The following ZNF621 variants were observed in gnomAD, a reference collection of about 807,000 sequenced individuals.
The protein encoded by ZNF621 is zinc finger protein 621.
In ZNF621, 6 loss-of-function variants were observed where a neutral mutation model predicts 12.7. The observed-to-expected ratio is 0.47, with a 90% confidence interval of 0.26 to 0.93. The LOEUF (loss-of-function observed/expected upper bound fraction) is 0.93. ZNF621 is among the 40% of genes least tolerant of loss of function. The pLI, the probability that ZNF621 is intolerant of heterozygous loss-of-function variation, is 0.15. For missense variants in ZNF621, 474 were observed against 524.0 expected (o/e 0.90, Z 0.93); for synonymous variants, 156 against 190.3 (o/e 0.82, Z 1.48).
rs1269885066 is a variant in ZNF621 at position 40,532,121 on chromosome 3, TC to T, written c.352del (p.Leu118SerfsTer15). On this transcript the variant is annotated frameshift_variant, in exon 5 of 5. Coordinates refer to ENST00000339296, the MANE Select transcript of ZNF621 (RefSeq NM_198484.5). LOFTEE classifies it low-confidence loss of function (END_TRUNC). ...ELHRMPVGGLLRNVSQHFDFK... is the reference protein window; with the variant it reads ...ELHRMPVGGLXRNVSQHFDFK... ...TGCACAGAATGCCAGTAGGAGGACTTCTCAGGAACGTTTCTCAGCACTTTGA... is the reference window on the plus strand; with the variant it reads ...TGCACAGAATGCCAGTAGGAGGACTTTCAGGAACGTTTCTCAGCACTTTGA... 6 of 1,614,162 alleles carry T rather than the reference TC, an allele frequency of 3.7e-6. No homozygotes were observed. The highest frequency in any genetic ancestry group is 5.1e-6 in the Non-Finnish European group (6 of 1,180,030).
upstream of ZNF621, among the ~76,000 whole-genome samples, chr3:40,524,381 T>C (rs1336046614): frequency 6.6e-6 from 1 of 152,192 alleles, no homozygotes; most frequent in Non-Finnish European, 1.5e-5. Context: ...ATATAGGACA[T>C]GTCCTGTGTA....
In ZNF621 at chr3:40,533,882, C is replaced by A. The variant is rs1439451674; in HGVS notation, c.*792C>A. The A allele has an allele frequency of 6.6e-6, 1 of 152,104 alleles. No individual in the cohort carries two copies. The highest frequency in any genetic ancestry group is 1.5e-5 in the Non-Finnish European group (1 of 67,992). 9.4% of individuals were successfully genotyped at this position (152,104 alleles called of 1,614,324 possible). A position where few individuals can be genotyped will look rare whatever the true frequency, so the allele number is the denominator to read the frequency against. On this transcript the variant is annotated 3_prime_UTR_variant, in exon 5 of 5. Transcript: ENST00000339296. Reference sequence around the variant, plus strand: ...AAGTTATGTTGCCCTTGGCACAGATCTTTGAGAATCTCATACATCTGTGAA... The same window carrying A: ...AAGTTATGTTGCCCTTGGCACAGATATTTGAGAATCTCATACATCTGTGAA...
chr3:40,527,147 A>T (rs1223950746), intron 2 of ZNF621, among the ~76,000 whole-genome samples: 2 of 151,904 alleles, frequency 1.3e-5, no homozygotes, highest in Admixed American at 1.3e-4. Context: ...CCTCCCGAGT[A>T]GATGGAATTA....
chr3:40,527,520 T>C (rs1698614025), intron 2 of ZNF621, among the ~76,000 whole-genome samples: 1 of 152,066 alleles, frequency 6.6e-6, no homozygotes, highest in African/African-American at 2.4e-5. Flanking sequence ...TTAGTAGAGA[T>C]GGGGTTTCAC....
At chr3:40,529,228 C>T in intron 2 of ZNF621, 91 bp from the exon 3 acceptor site, 2 of 1,469,828 alleles carry the variant, frequency 1.4e-6, no homozygotes, top group Non-Finnish European at 1.8e-6. Context: ...GTTGTGGATG[C>T]AGGCAGGTTT....
upstream of ZNF621, among the ~76,000 whole-genome samples, chr3:40,523,715 G>C (rs1413138921): frequency 6.6e-6 from 1 of 151,650 alleles, no homozygotes; most frequent in African/African-American, 2.4e-5. Context: ...GCAGTGAGCC[G>C]AGATTGCGCC....
chr3:40,525,624 A>C (rs1698560380), intron 1 of ZNF621, among the ~76,000 whole-genome samples, 155 bp from the exon 2 acceptor site: 1 of 152,206 alleles, frequency 6.6e-6, no homozygotes, highest in Non-Finnish European at 1.5e-5. Flanking sequence ...ACAATTCATA[A>C]GAAGTTTGGG....
At position 40,532,642 on chromosome 3, in the gene ZNF621, A is replaced by G; in HGVS notation, c.872A>G (p.Tyr291Cys). The G allele has an allele frequency of 6.2e-7, 1 of 1,613,676 alleles. No individual in the cohort carries two copies. The highest frequency in any genetic ancestry group is 8.5e-7 in the Non-Finnish European group (1 of 1,179,900). ...AGAATTCATACTGGGGAGAAACCTT[A>G]TCAATGTAAGGAGTGTGGCAAAGCC... ...HQRIHTGEKP[Y>C]QCKECGKAFT... The change falls in exon 5 of 5, where the codon TAT (tyrosine) becomes TGT (cysteine). Residue 291 changes from tyrosine (Y) to cysteine (C), a missense_variant. Coordinates refer to ENST00000339296, the MANE Select transcript of ZNF621 (RefSeq NM_198484.5).
rs892381712 is a variant in ZNF621, at chr3:40,530,055, G to T, written c.152-154G>T. 1.3e-5 allele frequency among the ~76,000 whole-genome samples: 2 copies of T among 152,062 alleles called. No homozygotes were observed. Among genetic ancestry groups the T allele is most frequent in the South Asian group, 2.1e-4 (1 of 4,822 alleles). On this transcript the variant is annotated intron_variant, in intron 3 of 4. Transcript: ENST00000339296. ...ATCATACCTCCTTGGCTTTATCGTG[G>T]AGCACAGTTTGGACCTCCTTGTCAG...
Position 40,533,311 on chromosome 3 carries a change from C to A in ZNF621, c.*221C>A. 1 of 711,756 alleles carries A rather than the reference C, an allele frequency of 1.4e-6. No homozygotes were observed. The highest frequency in any genetic ancestry group is 2.1e-6 in the Non-Finnish European group (1 of 470,162). 44.1% of individuals were successfully genotyped at this position (711,756 alleles called of 1,614,324 possible). A position where few individuals can be genotyped will look rare whatever the true frequency, so the allele number is the denominator to read the frequency against. ...ACGCCTCACCACGCCCAGCTAATTT[C>A]TGTATTTTTAGAAGAGATGGGGTTT... On this transcript the variant is annotated 3_prime_UTR_variant, in exon 5 of 5. Transcript: ENST00000339296.
intron 2 of ZNF621, among the ~76,000 whole-genome samples, chr3:40,529,009 C>T (rs1575305195): frequency 6.6e-6 from 1 of 152,068 alleles, no homozygotes; most frequent in African/African-American, 2.4e-5. Flanking sequence ...TTGTTTTCTC[C>T]AAAACATTGT....
At chr3:40,529,617 T>C in intron 3 of ZNF621, 172 bp downstream of exon 3, 1 of 1,470,438 alleles carries the variant, frequency 6.8e-7, no homozygotes, top group Non-Finnish European at 9.1e-7. Flanking sequence ...GTTTGTTTGT[T>C]TGTTTTGTTT....
chr3:40,531,113 T>G (rs925082438), intron 4 of ZNF621, among the ~76,000 whole-genome samples: 1 of 152,262 alleles, frequency 6.6e-6, no homozygotes, highest in Non-Finnish European at 1.5e-5. Flanking sequence ...CTGTTCCAGC[T>G]GACTTTCTGA....
rs915190177 is a variant in ZNF621, at chr3:40,533,735, G to A, written c.*645G>A. ...TTATGATTAGAGATAAGCAGCCTGG[G>A]AGAAACATACAAGACCTGTGGCTAC... On this transcript the variant is annotated 3_prime_UTR_variant, in exon 5 of 5. Coordinates refer to ENST00000339296, the MANE Select transcript of ZNF621 (RefSeq NM_198484.5). 1 of 152,712 alleles carries A rather than the reference G, an allele frequency of 6.5e-6. No individual in the cohort carries two copies. The highest frequency in any genetic ancestry group is 2.4e-5 in the African/African-American group (1 of 41,420). 9.5% of individuals were successfully genotyped at this position (152,712 alleles called of 1,614,324 possible). A position where few individuals can be genotyped will look rare whatever the true frequency, so the allele number is the denominator to read the frequency against.
intron 3 of ZNF621, 184 bp downstream of exon 3, chr3:40,529,629 T>C: frequency 7.0e-7 from 1 of 1,437,312 alleles, no homozygotes; most frequent in Non-Finnish European, 9.3e-7. Context: ...GTTTTGTTTG[T>C]TTGTTTGTTT....
In ZNF621 at chr3:40,532,792, AC is replaced by A; in HGVS notation, c.1025del (p.Pro342LeufsTer38). The A allele has an allele frequency of 1.2e-6, 2 of 1,614,146 alleles. No individual in the cohort carries two copies. Among genetic ancestry groups the A allele is most frequent in the Non-Finnish European group, 1.7e-6 (2 of 1,180,028 alleles). ...YGSFVQHQKL[H>X]PVEKKPVKVL... is the part of the protein sequence containing the mutation. ...AGTTTTGTTCAGCATCAGAAATTGC[AC>A]CCTGTGGAGAAGAAGCCAGTCAAGG... On this transcript the variant is annotated frameshift_variant, in exon 5 of 5. Coordinates refer to ENST00000339296, the MANE Select transcript of ZNF621 (RefSeq NM_198484.5). LOFTEE classifies it low-confidence loss of function (END_TRUNC).
intron 4 of ZNF621, 89 bp from the exon 5 acceptor site, chr3:40,531,941 A>C: frequency 7.9e-7 from 1 of 1,264,748 alleles, no homozygotes; most frequent in Admixed American, 2.3e-5. Flanking sequence ...ATCTTTAAAA[A>C]TTACATTCTA....
intron 2 of ZNF621, among the ~76,000 whole-genome samples, chr3:40,528,143 T>G (rs1698629503): frequency 6.6e-6 from 1 of 152,224 alleles, no homozygotes; most frequent in African/African-American, 2.4e-5. Context: ...TATCCATCCT[T>G]ACTTTCCCCT....
rs1291576273 is a variant in ZNF621, at chr3:40,530,290, C to T, written c.233C>T (p.Thr78Ile). Residue 78 changes from threonine to isoleucine, a missense_variant, in exon 4 of 5, where the codon ACC becomes ATC. Coordinates refer to ENST00000339296, the MANE Select transcript of ZNF621 (RefSeq NM_198484.5). Reference protein sequence around the residue: ...EAPWGPDPWDTEILRGISQGG... With the variant: ...EAPWGPDPWDIEILRGISQGG... Reference sequence around the variant, plus strand: ...CCATGGGGCCCAGATCCCTGGGACACCGAGATTCTGAGAGGCATCAGTCAA... The same window carrying T: ...CCATGGGGCCCAGATCCCTGGGACATCGAGATTCTGAGAGGCATCAGTCAA... The T allele has an allele frequency of 6.2e-7, 1 of 1,613,852 alleles. No homozygotes were observed. Among genetic ancestry groups the T allele is most frequent in the African/African-American group, 1.3e-5 (1 of 74,912 alleles).
Sources: allele counts gnomAD v4.1 joint callset (sites outside exome capture counted in the v4.1 genomes callset), GRCh38; gene constraint gnomAD v4.1.1; transcripts MANE v1.5; gene names NCBI Gene and HGNC (gene_info 2026-07-23, HGNC 2026-07-21).